Variants in PAK1 observed in about 807,000 individuals in gnomAD.
The protein encoded by PAK1 is p21 (RAC1) activated kinase 1, also known as serine/threonine-protein kinase PAK 1.
A neutral mutation model predicts 67.4 loss-of-function variants in PAK1; 29 were observed. That is an observed-to-expected ratio of 0.43 (90% CI 0.32 to 0.59). PAK1 has a LOEUF of 0.59. PAK1 is among the 20% of genes least tolerant of loss of function. The probability of loss-of-function intolerance (pLI) is 0.07; values close to 1 mark genes in which losing one functional copy is unlikely to be tolerated. For synonymous variants in PAK1, 223 were observed against 237.4 expected, an observed-to-expected ratio of 0.94 and a Z score of 0.56; for missense variants, 337 against 670.7, an observed-to-expected ratio of 0.50 and a Z score of 5.50.
chr11:77,460,037 G>A (rs1957262835), intron 1 of PAK1, among the ~76,000 whole-genome samples: 1 of 151,820 alleles, frequency 6.6e-6, no homozygotes, highest in African/African-American at 2.4e-5. Context: ...GTTTACAGTA[G>A]ACAATGAGTA....
chr11:77,495,490 G>A, the PAK1 span, among the ~76,000 whole-genome samples: 1 of 151,906 alleles, frequency 6.6e-6, no homozygotes, highest in Non-Finnish European at 1.5e-5. Flanking sequence ...ATAAAGTAAA[G>A]TAAAATAAAA....
intron 1 of PAK1, among the ~76,000 whole-genome samples, chr11:77,420,210 A>G (rs1051730054): frequency 9.2e-5 from 14 of 152,212 alleles, no homozygotes; most frequent in African/African-American, 3.1e-4. Context: ...GTGAATCACA[A>G]AAACAAAGGC....
chr11:77,413,819 C>T lies in PAK1; in HGVS notation c.-21-21278G>A, dbSNP rs527464217. ...ATTCAGCTTCAAAGTCATTTTAAGA[C>T]TTTTTTTTAACCCCACACCATGTCC... On this transcript the variant is annotated intron_variant, in intron 1 of 14. Coordinates refer to ENST00000356341, the MANE Select transcript of PAK1 (RefSeq NM_002576.5). Among the ~76,000 whole-genome samples the T allele has an allele frequency of 4.6e-5, 7 of 152,176 alleles. No individual in the cohort carries two copies. The South Asian group carries it at 1.5e-3, about 32-fold the overall frequency.
intron 5 of PAK1, among the ~76,000 whole-genome samples, chr11:77,362,970 T>C (rs765306196): frequency 4.7e-4 from 72 of 152,248 alleles, no homozygotes; most frequent in Non-Finnish European, 8.5e-4. Flanking sequence ...TTTTTTCATA[T>C]CCTATAAAAG....
chr11:77,443,191 C>T (rs1346551620), intron 1 of PAK1, among the ~76,000 whole-genome samples: 1 of 151,312 alleles, frequency 6.6e-6, no homozygotes, highest in Non-Finnish European at 1.5e-5. Context: ...GGTGTGGTAG[C>T]GCACGCCTGT....
the PAK1 span, among the ~76,000 whole-genome samples, chr11:77,490,102 C>T: frequency 6.7e-4 from 102 of 151,628 alleles, no homozygotes; most frequent in South Asian, 2.5e-3. Context: ...TGCCCGGCCG[C>T]GACCCCATCT....
intron 1 of PAK1, among the ~76,000 whole-genome samples, chr11:77,472,838 G>A (rs1469574425): frequency 1.5e-5 from 1 of 64,534 alleles, no homozygotes; most frequent in Non-Finnish European, 2.9e-5. Flanking sequence ...AAAAACCAAG[G>A]ACGTTGCTCA....
In PAK1 at chr11:77,379,320, G is replaced by A; in HGVS notation, c.360C>T (p.Asn120=). The A allele has an allele frequency of 6.2e-7, 1 of 1,613,954 alleles. No homozygotes were observed. Reference sequence around the variant, plus strand: ...CCAACACATCCAGAACAGCCTGCGGGTTTTTCTTCTGCTCCGACTTAGTGA... The same window carrying A: ...CCAACACATCCAGAACAGCCTGCGGATTTTTCTTCTGCTCCGACTTAGTGA... ...SNITKSEQKK[N]PQAVLDVLEF... is the part of the protein sequence containing the mutation. The change falls in exon 4 of 15, where the codon AAC becomes AAT. Residue 120 remains asparagine (N), a synonymous_variant. Coordinates refer to ENST00000356341, the MANE Select transcript of PAK1 (RefSeq NM_002576.5).
intron 14 of PAK1, among the ~76,000 whole-genome samples, 163 bp downstream of exon 14, chr11:77,332,567 G>A (rs1342671692): frequency 1.3e-5 from 2 of 151,726 alleles, no homozygotes; most frequent in African/African-American, 4.8e-5. Flanking sequence ...AAATAAATGA[G>A]CAAAGGCCCA....
intron 3 of PAK1, 191 bp from the exon 4 acceptor site, chr11:77,379,579 G>C: frequency 1.7e-6 from 1 of 602,296 alleles, no homozygotes; most frequent in African/African-American, 1.9e-5. Context: ...CATTTCTTAA[G>C]ATGTCTGCTC....
At chr11:77,513,468 G>A in the PAK1 span, among the ~76,000 whole-genome samples, 17 of 151,950 alleles carry the variant, frequency 1.1e-4, no homozygotes, top group African/African-American at 2.9e-4. Flanking sequence ...CCAGTAGTTC[G>A]AGACAAGCCT....
upstream of PAK1, chr11:77,476,178 AT>A (rs1412504728): frequency 1.3e-5 from 2 of 152,404 alleles, no homozygotes; most frequent in African/African-American, 4.8e-5. Flanking sequence ...CTCAAAAAAA[AT>A]GTATTTAATA....
At chr11:77,484,220 A>AC in the PAK1 span, among the ~76,000 whole-genome samples, 15,035 of 147,550 alleles carry the variant, frequency 0.1, 1,052 homozygotes, top group Non-Finnish European at 0.15. Context: ...GTTATCCATA[A>AC]AAAAAAAAAA....
chr11:77,325,391 A>C (rs1939553836), intron 14 of PAK1: 1 of 1,612,504 alleles, frequency 6.2e-7, no homozygotes, highest in Admixed American at 1.7e-5. Context: ...AAAAATGAGA[A>C]TAGAACCTAT....
chr11:77,457,300 C>T (rs1957125118), intron 1 of PAK1, among the ~76,000 whole-genome samples: 1 of 152,122 alleles, frequency 6.6e-6, no homozygotes, highest in Non-Finnish European at 1.5e-5. Flanking sequence ...ATTATTTTTC[C>T]TTATTCTATA....
intron 2 of PAK1, among the ~76,000 whole-genome samples, chr11:77,388,741 A>G (rs1312852010): frequency 6.6e-6 from 1 of 152,232 alleles, no homozygotes; most frequent in Non-Finnish European, 1.5e-5. Flanking sequence ...CTACAGAGAA[A>G]TAATTGACCC....
chr11:77,487,563 G>T, the PAK1 span, among the ~76,000 whole-genome samples: 15 of 152,042 alleles, frequency 9.9e-5, no homozygotes, highest in Non-Finnish European at 1.8e-4. Flanking sequence ...TGGGACCAGG[G>T]CCCTAAAGGG....
intron 14 of PAK1, among the ~76,000 whole-genome samples, chr11:77,327,215 A>G (rs1236050630): frequency 6.6e-6 from 1 of 152,250 alleles, no homozygotes; most frequent in Non-Finnish European, 1.5e-5. Context: ...ACTCTGCAGT[A>G]TATTATCCAG....
intron 1 of PAK1, 108 bp from the exon 2 acceptor site, chr11:77,392,649 G>T: frequency 3.8e-6 from 3 of 795,590 alleles, no homozygotes; most frequent in Non-Finnish European, 5.7e-6. Flanking sequence ...TTCCTTCAGG[G>T]TCTAGCTCAA....
Sources: gnomAD v4.1 joint callset for allele counts (sites outside exome capture counted in the v4.1 genomes callset) on GRCh38, gnomAD v4.1.1 for gene constraint, MANE v1.5 for transcripts, NCBI Gene and HGNC (gene_info 2026-07-23, HGNC 2026-07-21) for gene names.